Variants in KCNQ5 observed in about 807,000 individuals in gnomAD.
KCNQ5 encodes the protein potassium voltage-gated channel subfamily KQT member 5.
KCNQ5 carries 30 observed loss-of-function variants against 98.2 expected under a neutral mutation model. The observed-to-expected ratio is 0.31, with a 90% CI of 0.23 to 0.41. KCNQ5 has a LOEUF of 0.41. KCNQ5 is among the 10% of genes least tolerant of loss of function. The pLI is 1.00. For missense variants in KCNQ5, 835 were observed against 1,182.5 expected, an observed-to-expected ratio of 0.71 and a Z score of 4.31; for synonymous variants, 458 against 449.4, an observed-to-expected ratio of 1.02 and a Z score of -0.24.
At chr6:73,108,779 A>C (rs889290933) in intron 6 of KCNQ5, among the ~76,000 whole-genome samples, 1 of 152,170 alleles carries the variant, frequency 6.6e-6, no homozygotes, top group African/African-American at 2.4e-5. Context: ...GTGAGCCGAG[A>C]TCGCTCCACT....
chr6:72,987,506 GT>G, intron 1 of KCNQ5: 1 of 660,654 alleles, frequency 1.5e-6, no homozygotes, highest in Admixed American at 1.8e-5. Flanking sequence ...TCAAAAACCT[GT>G]CCCCTTCGTT....
At chr6:72,699,428 TA>T (rs1338894074) in intron 1 of KCNQ5, among the ~76,000 whole-genome samples, 3 of 152,222 alleles carry the variant, frequency 2.0e-5, no homozygotes, top group Non-Finnish European at 4.4e-5. Flanking sequence ...AAATATTTTT[TA>T]TTTGTATCAG....
intron 1 of KCNQ5, among the ~76,000 whole-genome samples, chr6:72,878,161 T>C (rs1005125412): frequency 3.3e-5 from 5 of 152,174 alleles, no homozygotes; most frequent in Non-Finnish European, 7.3e-5. Context: ...TCCCAGCTAC[T>C]TGGGAGGCTG....
At position 72,796,129 on chromosome 6, in the gene KCNQ5, AAT is replaced by A. The variant is rs576535507; in HGVS notation, c.398+173543_398+173544del. Among the ~76,000 whole-genome samples, 20 of 152,292 alleles carry A rather than the reference AAT, an allele frequency of 1.3e-4. No individual in the cohort carries two copies. The East Asian group carries it at 3.9e-3, about 29-fold the overall frequency. On this transcript the variant is annotated intron_variant, in intron 1 of 13. Transcript: ENST00000370398. The stretch of plus-strand genomic sequence containing the variant: ...AAATGTATTTGTGTTTCTAATAACC[AAT>A]GAGTATATGAATATTCATATTTGCC...
intron 1 of KCNQ5, among the ~76,000 whole-genome samples, chr6:72,923,801 G>T (rs963146791): frequency 2.0e-5 from 3 of 152,078 alleles, no homozygotes; most frequent in African/African-American, 7.2e-5. Flanking sequence ...ACAGTATTTG[G>T]TTTTTTGTTC....
At chr6:73,111,623 C>T (rs2150427539) in intron 7 of KCNQ5, among the ~76,000 whole-genome samples, 1 of 152,314 alleles carries the variant, frequency 6.6e-6, no homozygotes, top group African/African-American at 2.4e-5. Flanking sequence ...ATGGTCCATG[C>T]ATTGTTCAGA....
intron 1 of KCNQ5, among the ~76,000 whole-genome samples, chr6:72,797,344 CAT>C (rs1248740484): frequency 6.6e-6 from 1 of 151,706 alleles, no homozygotes; most frequent in Non-Finnish European, 1.5e-5. Flanking sequence ...CTCTACAAAA[CAT>C]ATGAAAAAAT....
chr6:72,857,478 T>C (rs148169091), intron 1 of KCNQ5, among the ~76,000 whole-genome samples: 3 of 152,304 alleles, frequency 2.0e-5, no homozygotes, highest in African/African-American at 7.2e-5. Context: ...TCGGTATATT[T>C]TACAGGAAGG....
In KCNQ5 at chr6:73,066,094, T is replaced by C. The variant is rs1454505095; in HGVS notation, c.617-11228T>C. On this transcript the variant is annotated intron_variant, in intron 3 of 13. Transcript: ENST00000370398. ...CCGAGAGGCGGAGGTTGCAGTGAGC[T>C]GAGATCATGCCATTGCACTCCAGCC... Among the ~76,000 whole-genome samples the C allele has an allele frequency of 4.6e-5, 7 of 152,308 alleles. No homozygotes were observed. The East Asian group carries it at 1.3e-3, about 29-fold the overall frequency.
chr6:72,690,715 GAA>G (rs775810471), intron 1 of KCNQ5, among the ~76,000 whole-genome samples: 6 of 109,310 alleles, frequency 5.5e-5, no homozygotes, highest in Non-Finnish European at 8.2e-5. Flanking sequence ...CTGTTACCAA[GAA>G]AAAAAAAAAA....
chr6:72,688,091 C>G (rs1348800811), intron 1 of KCNQ5, among the ~76,000 whole-genome samples: 1 of 152,118 alleles, frequency 6.6e-6, no homozygotes, highest in African/African-American at 2.4e-5. Flanking sequence ...CCTGCCTCGG[C>G]CTCCCAATAC....
intron 1 of KCNQ5, among the ~76,000 whole-genome samples, chr6:72,817,619 C>A (rs1775561374): frequency 6.6e-6 from 1 of 152,136 alleles, no homozygotes; most frequent in African/African-American, 2.4e-5. Flanking sequence ...GAGGGCCGAG[C>A]TCAGTTGCTC....
chr6:73,195,158 G>A lies in KCNQ5; in HGVS notation c.2543G>A (p.Gly848Glu), dbSNP rs765444109. The change falls in exon 14 of 14, where the codon GGG becomes GAG. Residue 848 changes from glycine to glutamate, a missense_variant. This residue lies in a region of KCNQ5 where 416 missense variants were observed against 446.9 expected (regional missense o/e 0.93). Coordinates refer to ENST00000370398, the MANE Select transcript of KCNQ5 (RefSeq NM_019842.4). ...STEELNIQLS[G>E]SESSGSRGSQ... is the part of the protein sequence containing the mutation. ...GAGGAACTGAATATACAACTTTCAG[G>A]GAGTGAGTCAAGTGGCTCCAGAGGC... 1.4e-5 allele frequency: 22 copies of A among 1,614,022 alleles called. No homozygotes were observed. The South Asian group carries it at 2.2e-4, about 16-fold the overall frequency.
intron 5 of KCNQ5, among the ~76,000 whole-genome samples, chr6:73,098,258 G>A (rs1343964110): frequency 6.6e-6 from 1 of 151,944 alleles, no homozygotes; most frequent in Non-Finnish European, 1.5e-5. Context: ...GAATAAAAAA[G>A]AAGGAAATGC....
chr6:72,636,401 A>G (rs1220933570), intron 1 of KCNQ5, among the ~76,000 whole-genome samples: 1 of 152,206 alleles, frequency 6.6e-6, no homozygotes, highest in East Asian at 1.9e-4. Flanking sequence ...ATAGGAGTAC[A>G]TAGGAGATAG....
intron 5 of KCNQ5, among the ~76,000 whole-genome samples, chr6:73,090,799 G>A (rs538654410): frequency 3.3e-5 from 5 of 152,140 alleles, no homozygotes; most frequent in Non-Finnish European, 7.4e-5. Flanking sequence ...TTAGAATGGC[G>A]ATCATTAAAG....
intron 1 of KCNQ5, among the ~76,000 whole-genome samples, chr6:72,961,454 A>G (rs1438026206): frequency 6.6e-6 from 1 of 151,466 alleles, no homozygotes; most frequent in Non-Finnish European, 1.5e-5. Flanking sequence ...CGTCTCTACT[A>G]AAAAAATAGA....
At chr6:72,693,935 C>A (rs1768347454) in intron 1 of KCNQ5, among the ~76,000 whole-genome samples, 2 of 151,912 alleles carry the variant, frequency 1.3e-5, no homozygotes, top group Non-Finnish European at 2.9e-5. Flanking sequence ...TGTCAGAATC[C>A]CATATTTCTC....
rs1263802014 is a variant in KCNQ5 at position 73,196,919 on chromosome 6, G to A, written c.*1505G>A. 1 of 151,988 alleles carries A rather than the reference G, an allele frequency of 6.6e-6. No individual in the cohort carries two copies. The highest frequency in any genetic ancestry group is 1.5e-5 in the Non-Finnish European group (1 of 68,010). 9.4% of individuals were successfully genotyped at this position (151,988 alleles called of 1,614,324 possible). A position where few individuals can be genotyped will look rare whatever the true frequency, so the allele number is the denominator to read the frequency against. On this transcript the variant is annotated 3_prime_UTR_variant, in exon 14 of 14. Coordinates refer to ENST00000370398, the MANE Select transcript of KCNQ5 (RefSeq NM_019842.4). ...TTAGGTCACCAGAACTTCAGCCAAC[G>A]TAATGACATTCAAAAAAAAAGGACA...
Sources: allele counts gnomAD v4.1 joint callset (sites outside exome capture counted in the v4.1 genomes callset), GRCh38; gene constraint gnomAD v4.1.1; regional missense constraint gnomAD v4.1.1; transcripts MANE v1.5; gene names NCBI Gene and HGNC (gene_info 2026-07-23, HGNC 2026-07-21).